AXIN1: variants seen among roughly 807,000 people sequenced by gnomAD.
The protein encoded by AXIN1 is axin-1.
A neutral mutation model predicts 76.4 loss-of-function variants in AXIN1; 30 were observed. That is an observed-to-expected ratio of 0.39 (90% CI 0.29 to 0.53). The LOEUF (loss-of-function observed/expected upper bound fraction) is 0.53. Ranked by LOEUF, AXIN1 falls within the 20% of genes least tolerant of loss-of-function variation. The probability of loss-of-function intolerance (pLI) is 0.66; values close to 1 mark genes in which losing one functional copy is unlikely to be tolerated. For missense variants in AXIN1, 1,140 were observed against 1,198.8 expected, an observed-to-expected ratio of 0.95 and a Z score of 0.72; for synonymous variants, 545 against 501.4, an observed-to-expected ratio of 1.09 and a Z score of -1.16.
At chr16:318,291 C>G (rs945020430) in intron 2 of AXIN1, among the ~76,000 whole-genome samples, 4 of 152,206 alleles carry the variant, frequency 2.6e-5, no homozygotes, top group Admixed American at 6.5e-5. Flanking sequence ...GCAGGAGAAA[C>G]GCAGGTTTCC....
intron 2 of AXIN1, among the ~76,000 whole-genome samples, chr16:328,190 A>G (rs1245009437): frequency 1.3e-5 from 2 of 152,296 alleles, no homozygotes; most frequent in East Asian, 1.9e-4. Context: ...CCTGGAGTTC[A>G]AGACCAGCCT....
At position 298,016 on chromosome 16, in the gene AXIN1, C is replaced by T. The variant is rs2141513081; in HGVS notation, c.1490G>A (p.Gly497Glu). ...PGPGHRSPDS[G>E]HVAKMPVALG... ...TGCCACTGGCATCTTGGCCACGTGC[C>T]CACTGTCCGGGGAGCGATGGCCAGG... The change falls in exon 6 of 11, where the codon GGG becomes GAG. Residue 497 changes from glycine to glutamate, a missense_variant. Transcript: ENST00000262320. The T allele has an allele frequency of 6.3e-7, 1 of 1,596,836 alleles. No individual in the cohort carries two copies. The highest frequency in any genetic ancestry group is 1.1e-5 in the South Asian group (1 of 89,854).
intron 3 of AXIN1, among the ~76,000 whole-genome samples, chr16:313,477 C>G (rs556676052): frequency 6.6e-6 from 1 of 152,344 alleles, no homozygotes; most frequent in East Asian, 1.9e-4. Context: ...ACATCTGGGA[C>G]ACCACTGGCC....
intron 2 of AXIN1, among the ~76,000 whole-genome samples, chr16:332,754 C>CA (rs1352487223): frequency 7.0e-6 from 1 of 142,638 alleles, no homozygotes; most frequent in Non-Finnish European, 1.5e-5. Flanking sequence ...GAAAACACAA[C>CA]AAAAAGAAAT....
rs1567258780 is a variant in AXIN1 at position 291,310 on chromosome 16, C to G, written c.2187-13G>C. 2 of 1,563,094 alleles carry G rather than the reference C, an allele frequency of 1.3e-6. No homozygotes were observed. Among genetic ancestry groups the G allele is most frequent in the Non-Finnish European group, 1.7e-6 (2 of 1,154,080 alleles). On this transcript the variant is annotated splice_polypyrimidine_tract_variant and intron_variant, in intron 8 of 10. Transcript: ENST00000262320. The stretch of plus-strand genomic sequence containing the variant: ...CTCCTGCACATACCTAGGGAACAAC[C>G]CGCGTCAAAGGTGGCTGTGCCGGCG...
At chr16:315,162 G>A (rs2141596426) in intron 2 of AXIN1, among the ~76,000 whole-genome samples, 1 of 152,314 alleles carries the variant, frequency 6.6e-6, no homozygotes, top group Middle Eastern at 3.4e-3. Context: ...CAGTGTGTGT[G>A]GGTGGTGCCA....
At chr16:351,799 G>A (rs55692038) in intron 1 of AXIN1, among the ~76,000 whole-genome samples, 1,613 of 152,120 alleles carry the variant, frequency 0.011, 23 homozygotes, top group South Asian at 0.071. Context: ...CCAGAGAACT[G>A]ACATGTTTTT....
intron 6 of AXIN1, 77 bp from the exon 7 acceptor site, chr16:297,303 C>T: frequency 6.4e-7 from 1 of 1,573,724 alleles, no homozygotes; most frequent in South Asian, 1.1e-5. Context: ...GCGAGGCCCC[C>T]TCCTGGCATC....
At chr16:303,613 C>T (rs2141541172) in intron 5 of AXIN1, among the ~76,000 whole-genome samples, 1 of 152,220 alleles carries the variant, frequency 6.6e-6, no homozygotes, top group South Asian at 2.1e-4. Context: ...AACTCCTGAC[C>T]TCAGGTGATC....
At chr16:328,583 C>G (rs2053628133) in intron 2 of AXIN1, among the ~76,000 whole-genome samples, 1 of 152,002 alleles carries the variant, frequency 6.6e-6, no homozygotes, top group African/African-American at 2.4e-5. Flanking sequence ...GTAATCCCAG[C>G]TACTCGGGAG....
Position 287,858 on chromosome 16 carries a change from G to A in AXIN1, c.*264C>T. On this transcript the variant is annotated 3_prime_UTR_variant, in exon 11 of 11. Transcript: ENST00000262320. ...GGGGTCACCTGAAGCTGGCAGCAGG[G>A]ACCTCGGCTGCCTCACTTGGGCTGG... is the stretch of plus-strand genomic sequence containing the variant. 7.1e-6 allele frequency: 4 copies of A among 563,832 alleles called. 1 individual carries two copies. In the South Asian group the frequency reaches 7.9e-5, roughly 11 times the overall value. The allele number at this position is 563,832 out of a possible 1,614,324, so 34.9% of individuals were successfully genotyped here.
intron 4 of AXIN1, among the ~76,000 whole-genome samples, chr16:306,176 C>T (rs1357541440): frequency 6.6e-6 from 1 of 152,088 alleles, no homozygotes; most frequent in South Asian, 2.1e-4. Flanking sequence ...CGTACACACA[C>T]ACGCACACAC....
chr16:314,979 C>T (rs1260819764), intron 2 of AXIN1, among the ~76,000 whole-genome samples: 1 of 152,174 alleles, frequency 6.6e-6, no homozygotes, highest in African/African-American at 2.4e-5. Flanking sequence ...GTTTGTTTTC[C>T]GTGCACGGTA....
chr16:296,898 C>T (rs1474922119), intron 7 of AXIN1, among the ~76,000 whole-genome samples, 158 bp downstream of exon 7: 1 of 152,166 alleles, frequency 6.6e-6, no homozygotes, highest in Non-Finnish European at 1.5e-5. Flanking sequence ...AGGGAGCCTG[C>T]TGGAGGGTGC....
At chr16:299,618 G>A (rs756530681) in intron 5 of AXIN1, among the ~76,000 whole-genome samples, 1 of 151,522 alleles carries the variant, frequency 6.6e-6, no homozygotes, top group African/African-American at 2.4e-5. Context: ...GCCTCCCAAA[G>A]TGCTGGGATT....
intron 7 of AXIN1, among the ~76,000 whole-genome samples, chr16:294,216 C>G (rs766114018): frequency 6.6e-6 from 1 of 152,038 alleles, no homozygotes; most frequent in African/African-American, 2.4e-5. Flanking sequence ...TCCCAATACT[C>G]TGGGAGGCCA....
chr16:319,767 A>G (rs1455479714), intron 2 of AXIN1, among the ~76,000 whole-genome samples: 1 of 151,996 alleles, frequency 6.6e-6, no homozygotes, highest in Admixed American at 6.6e-5. Flanking sequence ...TAACCATTCT[A>G]TATTCTTCTA....
At chr16:303,432 A>C (rs1032034341) in intron 5 of AXIN1, among the ~76,000 whole-genome samples, 2 of 150,864 alleles carry the variant, frequency 1.3e-5, no homozygotes, top group African/African-American at 4.9e-5. Flanking sequence ...TCCAGGCTGG[A>C]GGGCAGTGGC....
At chr16:329,565 C>A (rs978847375) in intron 2 of AXIN1, among the ~76,000 whole-genome samples, 3 of 152,078 alleles carry the variant, frequency 2.0e-5, no homozygotes, top group Non-Finnish European at 2.9e-5. Flanking sequence ...CCTGCCTCAG[C>A]CTCCCGAGTA....
Sources: allele counts gnomAD v4.1 joint callset (sites outside exome capture counted in the v4.1 genomes callset), GRCh38; gene constraint gnomAD v4.1.1; transcripts MANE v1.5; gene names NCBI Gene and HGNC (gene_info 2026-07-23, HGNC 2026-07-21).